DIAPH3: variants seen among roughly 807,000 people sequenced by gnomAD.
DIAPH3 encodes diaphanous related formin 3.
DIAPH3 carries 117 observed loss-of-function variants against 144.3 expected under a neutral mutation model. The observed-to-expected ratio is 0.81, with a 90% confidence interval of 0.70 to 0.95. The LOEUF (loss-of-function observed/expected upper bound fraction) is 0.95. DIAPH3 is among the 40% of genes least tolerant of loss of function. The pLI, the probability that DIAPH3 is intolerant of heterozygous loss-of-function variation, is 0.00. For synonymous variants in DIAPH3, 519 were observed against 488.9 expected (o/e 1.06, Z -0.81); for missense variants, 1,421 against 1,412.7 (o/e 1.01, Z -0.09).
intron 2 of DIAPH3, among the ~76,000 whole-genome samples, chr13:60,120,714 G>A (rs1407085844): frequency 6.6e-6 from 1 of 152,162 alleles, no homozygotes; most frequent in East Asian, 1.9e-4. Context: ...CCTGCACAGG[G>A]AAGAACCGAG....
intron 17 of DIAPH3, among the ~76,000 whole-genome samples, chr13:59,926,432 A>G (rs2047757234): frequency 6.6e-6 from 1 of 152,020 alleles, no homozygotes; most frequent in Non-Finnish European, 1.5e-5. Flanking sequence ...TCTATTTTTT[A>G]TGTAGGCATT....
chr13:60,059,419 T>G (rs2056681318), intron 4 of DIAPH3, among the ~76,000 whole-genome samples: 1 of 152,074 alleles, frequency 6.6e-6, no homozygotes, highest in Non-Finnish European at 1.5e-5. Flanking sequence ...TACAAATGTT[T>G]CATGCTTTAT....
intron 1 of DIAPH3, among the ~76,000 whole-genome samples, chr13:60,161,296 C>G (rs187004276): frequency 2.6e-5 from 4 of 152,360 alleles, no homozygotes; most frequent in Admixed American, 2.0e-4. Context: ...CAGTGACTGA[C>G]TTGACACCTA....
intron 4 of DIAPH3, among the ~76,000 whole-genome samples, chr13:60,057,974 A>G (rs2056620837): frequency 6.6e-6 from 1 of 151,992 alleles, no homozygotes; most frequent in Non-Finnish European, 1.5e-5. Context: ...TCTTCTGGAC[A>G]TTGGCCCTGG....
At chr13:59,680,171 C>T (rs1318310118) in intron 27 of DIAPH3, among the ~76,000 whole-genome samples, 3 of 152,260 alleles carry the variant, frequency 2.0e-5, no homozygotes, top group East Asian at 3.9e-4. Context: ...ATTTAAGAAA[C>T]ACACACACCT....
intron 27 of DIAPH3, among the ~76,000 whole-genome samples, chr13:59,721,797 C>T (rs1440332151): frequency 6.6e-6 from 1 of 152,116 alleles, no homozygotes; most frequent in African/African-American, 2.4e-5. Context: ...CCAATCCAGC[C>T]ATGACAGTAG....
At chr13:59,820,788 T>C (rs934547972) in intron 24 of DIAPH3, among the ~76,000 whole-genome samples, 3 of 150,120 alleles carry the variant, frequency 2.0e-5, no homozygotes, top group African/African-American at 7.4e-5. Flanking sequence ...TAGTATTAAA[T>C]ACTATTTAAT....
intron 3 of DIAPH3, among the ~76,000 whole-genome samples, chr13:60,106,465 A>G (rs2058424800): frequency 6.6e-6 from 1 of 152,184 alleles, no homozygotes; most frequent in African/African-American, 2.4e-5. Context: ...TTATGATGTC[A>G]GGATAGATTT....
At chr13:59,754,670 G>A (rs577911090) in intron 27 of DIAPH3, among the ~76,000 whole-genome samples, 2 of 152,272 alleles carry the variant, frequency 1.3e-5, no homozygotes, top group South Asian at 2.1e-4. Context: ...AAAATGGAAG[G>A]TTCCACATTA....
intron 25 of DIAPH3, among the ~76,000 whole-genome samples, chr13:59,801,029 G>T (rs1048279383): frequency 6.6e-6 from 1 of 151,998 alleles, no homozygotes; most frequent in Non-Finnish European, 1.5e-5. Flanking sequence ...AAGGATAAAG[G>T]TTTTAAAAAA....
At chr13:60,163,496 C>T in intron 1 of DIAPH3, 91 bp downstream of exon 1, 1 of 1,509,372 alleles carries the variant, frequency 6.6e-7, no homozygotes. Flanking sequence ...TAGAATAAAA[C>T]TTGGTCCCCA....
intron 1 of DIAPH3, among the ~76,000 whole-genome samples, chr13:60,133,581 G>A (rs2059195334): frequency 6.6e-6 from 1 of 152,120 alleles, no homozygotes; most frequent in South Asian, 2.1e-4. Context: ...AGTGGTGACA[G>A]TAGACACTTT....
chr13:59,902,453 G>A (rs188710980), intron 20 of DIAPH3, among the ~76,000 whole-genome samples: 15 of 152,230 alleles, frequency 9.9e-5, no homozygotes, highest in Admixed American at 3.3e-4. Context: ...TGTAAGGCTC[G>A]CAGAACTGTC....
chr13:59,722,234 A>T (rs2035382361), intron 27 of DIAPH3, among the ~76,000 whole-genome samples: 1 of 152,228 alleles, frequency 6.6e-6, no homozygotes. Context: ...ACATTTTTCA[A>T]AAAGAGTCTG....
At chr13:59,777,938 A>C (rs904402268) in intron 25 of DIAPH3, among the ~76,000 whole-genome samples, 3 of 152,140 alleles carry the variant, frequency 2.0e-5, no homozygotes, top group Non-Finnish European at 4.4e-5. Context: ...TATTGGGATA[A>C]CTGGAGAAAT....
At chr13:60,064,576 C>A (rs1464618244) in intron 4 of DIAPH3, among the ~76,000 whole-genome samples, 1 of 152,184 alleles carries the variant, frequency 6.6e-6, no homozygotes, top group East Asian at 1.9e-4. Context: ...AGAGTTAGGG[C>A]CTTGCTCTGG....
In DIAPH3 at chr13:60,163,875, C is replaced by G; in HGVS notation, c.-109G>C. 2.9e-6 allele frequency: 4 copies of G among 1,390,608 alleles called. No homozygotes were observed. Among genetic ancestry groups the G allele is most frequent in the Non-Finnish European group, 3.9e-6 (4 of 1,028,984 alleles). 86.1% of individuals were successfully genotyped at this position (1,390,608 alleles called of 1,614,324 possible). A position where few individuals can be genotyped will look rare whatever the true frequency, so the allele number is the denominator to read the frequency against. On this transcript the variant is annotated 5_prime_UTR_variant, in exon 1 of 28. Transcript: ENST00000400324. ...TTACTCCCGGGGTCCGCCACCCAAA[C>G]AGTCAGCACAGCCTAGCCCAACCGC...
At chr13:59,759,450 A>G (rs2139177883) in intron 27 of DIAPH3, among the ~76,000 whole-genome samples, 1 of 152,326 alleles carries the variant, frequency 6.6e-6, no homozygotes, top group East Asian at 1.9e-4. Flanking sequence ...GAAATATCAC[A>G]TTTCTACAAC....
intron 15 of DIAPH3, among the ~76,000 whole-genome samples, chr13:59,971,645 T>A (rs2050386319): frequency 6.6e-6 from 1 of 152,232 alleles, no homozygotes; most frequent in African/African-American, 2.4e-5. Context: ...TGCCACATCA[T>A]GACTTTGCTC....
Sources: allele counts gnomAD v4.1 joint callset (sites outside exome capture counted in the v4.1 genomes callset), GRCh38; gene constraint gnomAD v4.1.1; transcripts MANE v1.5; gene names NCBI Gene and HGNC (gene_info 2026-07-23, HGNC 2026-07-21).